Variants in STXBP5L observed in about 807,000 individuals in gnomAD.
STXBP5L encodes syntaxin binding protein 5L.
In STXBP5L, 65 loss-of-function variants were observed where a neutral mutation model predicts 144.5. The observed-to-expected ratio is 0.45, with a 90% CI of 0.37 to 0.55. The LOEUF is 0.55. Ranked by LOEUF, STXBP5L falls within the 20% of genes least tolerant of loss-of-function variation. STXBP5L has a pLI of 0.00. For missense variants in STXBP5L, 1,298 were observed against 1,405.5 expected (o/e 0.92, Z 1.22); for synonymous variants, 505 against 469.6 (o/e 1.08, Z -0.97).
chr3:121,238,088 A>G (rs1284883618), intron 12 of STXBP5L, among the ~76,000 whole-genome samples: 1 of 152,216 alleles, frequency 6.6e-6, no homozygotes, highest in Non-Finnish European at 1.5e-5. Context: ...CCACAATTTC[A>G]GTTATCTTTA....
chr3:120,922,630 T>A (rs1253894749), intron 2 of STXBP5L, among the ~76,000 whole-genome samples: 1 of 151,990 alleles, frequency 6.6e-6, no homozygotes, highest in Non-Finnish European at 1.5e-5. Context: ...TATTTTGAGG[T>A]ATGTTTTTTT....
intron 9 of STXBP5L, among the ~76,000 whole-genome samples, chr3:121,165,976 A>C (rs78628617): frequency 1.3e-5 from 2 of 152,184 alleles, no homozygotes; most frequent in South Asian, 2.1e-4. Flanking sequence ...GTTCCATTCT[A>C]TTCTCAAATG....
At chr3:121,278,608 A>T (rs2050955229) in intron 18 of STXBP5L, among the ~76,000 whole-genome samples, 1 of 151,938 alleles carries the variant, frequency 6.6e-6, no homozygotes, top group Non-Finnish European at 1.5e-5. Flanking sequence ...TATAATATTA[A>T]GATCAATTCT....
At chr3:121,290,467 A>T (rs993833985) in intron 19 of STXBP5L, among the ~76,000 whole-genome samples, 3 of 152,182 alleles carry the variant, frequency 2.0e-5, no homozygotes, top group Admixed American at 1.3e-4. Context: ...GCTGAATTCT[A>T]TCAGACATTC....
At chr3:121,042,436 G>A (rs1947225974) in intron 4 of STXBP5L, among the ~76,000 whole-genome samples, 1 of 152,106 alleles carries the variant, frequency 6.6e-6, no homozygotes, top group African/African-American at 2.4e-5. Flanking sequence ...GTGGAAATTA[G>A]AGTCTTCTAG....
intron 10 of STXBP5L, among the ~76,000 whole-genome samples, chr3:121,217,855 G>A (rs1161115140): frequency 6.6e-6 from 1 of 151,522 alleles, no homozygotes; most frequent in Non-Finnish European, 1.5e-5. Context: ...ATGTATACAT[G>A]CCTGGACTTT....
chr3:121,271,432 G>A (rs2050731722), intron 18 of STXBP5L, among the ~76,000 whole-genome samples: 1 of 151,962 alleles, frequency 6.6e-6, no homozygotes, highest in Non-Finnish European at 1.5e-5. Flanking sequence ...GTCTACCCCT[G>A]GAATCAGCTA....
rs770410696 is a variant in STXBP5L, at chr3:121,381,301, G to C, written c.2356G>C (p.Glu786Gln). 1 of 1,580,116 alleles carries C rather than the reference G, an allele frequency of 6.3e-7. No individual in the cohort carries two copies. The highest frequency in any genetic ancestry group is 1.2e-5 in the South Asian group (1 of 83,884). ...SLPVTTEENR[E>Q]NSYNRSRSSS... ...TTTATTTATTTCCATAGAAAACCGA[G>C]AAAATTCCTATAATCGTTCTAGAAG... Residue 786 changes from glutamate (E) to glutamine (Q), a missense_variant, in exon 22 of 27, where the codon GAA (glutamate) becomes CAA (glutamine). Coordinates refer to ENST00000471454, the MANE Select transcript of STXBP5L (RefSeq NM_001308330.2).
intron 5 of STXBP5L, among the ~76,000 whole-genome samples, chr3:121,114,706 C>G (rs2044154549): frequency 6.6e-6 from 1 of 152,130 alleles, no homozygotes; most frequent in South Asian, 2.1e-4. Flanking sequence ...TAAATTAATG[C>G]CCATATAGGC....
chr3:121,114,141 G>C (rs1559762324), intron 5 of STXBP5L, among the ~76,000 whole-genome samples: 1 of 152,122 alleles, frequency 6.6e-6, no homozygotes, highest in Non-Finnish European at 1.5e-5. Flanking sequence ...TAGAAGGAGT[G>C]ATAATGTTGT....
At chr3:120,925,242 A>C (rs1709559091) in intron 2 of STXBP5L, 1 of 152,214 alleles carries the variant, frequency 6.6e-6, no homozygotes, top group Non-Finnish European at 1.5e-5. Context: ...GATGAGGAGC[A>C]GCCTCGAGTG....
rs967134836 is a variant in STXBP5L, at chr3:121,185,685, G to T, written c.878-20238G>T. Among the ~76,000 whole-genome samples, 12 of 152,322 alleles carry T rather than the reference G, an allele frequency of 7.9e-5. No individual in the cohort carries two copies. The East Asian group carries it at 2.1e-3, about 27-fold the overall frequency. On this transcript the variant is annotated intron_variant, in intron 9 of 26. Transcript: ENST00000471454. ...TCTGTTTTGGTACCAGTGCCATACTGTTTTGGTTACTATAGCCTTGTAGCA... is the reference window on the plus strand; with the variant it reads ...TCTGTTTTGGTACCAGTGCCATACTTTTTTGGTTACTATAGCCTTGTAGCA...
intron 18 of STXBP5L, among the ~76,000 whole-genome samples, chr3:121,266,234 A>T (rs1055515271): frequency 3.3e-5 from 5 of 152,224 alleles, no homozygotes; most frequent in African/African-American, 1.2e-4. Flanking sequence ...CCTCAATAAA[A>T]TACGGGCAAA....
At chr3:121,143,803 A>G (rs952008528) in intron 7 of STXBP5L, among the ~76,000 whole-genome samples, 2 of 151,912 alleles carry the variant, frequency 1.3e-5, no homozygotes. Flanking sequence ...AAAAACATCA[A>G]TTCAAAATGG....
intron 7 of STXBP5L, among the ~76,000 whole-genome samples, chr3:121,141,179 A>G (rs114211524): frequency 0.016 from 2,413 of 152,254 alleles, 34 homozygotes; most frequent in Non-Finnish European, 0.028. Flanking sequence ...CAAGCCAGGC[A>G]GATCACCTGA....
chr3:121,064,004 G>A (rs1271826825), intron 5 of STXBP5L, among the ~76,000 whole-genome samples: 1 of 152,106 alleles, frequency 6.6e-6, no homozygotes, highest in African/African-American at 2.4e-5. Flanking sequence ...GTGAATGCTT[G>A]TCTCACTGGC....
chr3:121,418,661 T>C, intron 26 of STXBP5L, 104 bp downstream of exon 26: 1 of 1,086,642 alleles, frequency 9.2e-7, no homozygotes, highest in Non-Finnish European at 1.3e-6. Context: ...AGTAATCCTG[T>C]ATGAGAATCA....
intron 22 of STXBP5L, among the ~76,000 whole-genome samples, chr3:121,400,509 A>G (rs2046846195): frequency 6.6e-6 from 1 of 152,184 alleles, no homozygotes; most frequent in Non-Finnish European, 1.5e-5. Flanking sequence ...ACTTTCTGGG[A>G]GTCACCCCTC....
At chr3:121,185,188 T>C (rs1254908852) in intron 9 of STXBP5L, among the ~76,000 whole-genome samples, 1 of 152,198 alleles carries the variant, frequency 6.6e-6, no homozygotes, top group Non-Finnish European at 1.5e-5. Flanking sequence ...TCTACAATTG[T>C]AGATATTAGC....
Sources: gnomAD v4.1 joint callset for allele counts (sites outside exome capture counted in the v4.1 genomes callset) on GRCh38, gnomAD v4.1.1 for gene constraint, MANE v1.5 for transcripts, NCBI Gene and HGNC (gene_info 2026-07-23, HGNC 2026-07-21) for gene names.